The following RIT2 variants were observed in gnomAD, a reference collection of about 807,000 sequenced individuals.
RIT2 encodes the protein Ras like without CAAX 2.
Under a neutral mutation model 23.7 loss-of-function variants are expected in RIT2, and 24 were observed. The ratio of observed to expected loss-of-function variants is 1.01; its 90% confidence interval spans 0.73 to 1.43. RIT2 has a LOEUF of 1.43. Ranked by LOEUF, RIT2 falls within the 40% of genes most tolerant of loss-of-function variation. The probability of loss-of-function intolerance (pLI) is 0.00; values close to 1 mark genes in which losing one functional copy is unlikely to be tolerated. For missense variants in RIT2, 236 were observed against 266.9 expected (o/e 0.88, Z 0.81); for synonymous variants, 107 against 91.1 (o/e 1.17, Z -0.99).
chr18:42,963,131 T>TC (rs1910130410), intron 3 of RIT2, among the ~76,000 whole-genome samples: 1 of 152,168 alleles, frequency 6.6e-6, no homozygotes, highest in Non-Finnish European at 1.5e-5. Context: ...GAGGTTTGGT[T>TC]CCCCAAATAC....
rs1226584501 is a variant in RIT2, at chr18:42,896,273, T to TA, written c.426+27298dup. Among the ~76,000 whole-genome samples, 6 of 152,110 alleles carry TA rather than the reference T, an allele frequency of 3.9e-5. No individual in the cohort carries two copies. In the South Asian group the frequency reaches 1.0e-3, roughly 26 times the overall value. On this transcript the variant is annotated intron_variant, in intron 4 of 4. Coordinates refer to ENST00000326695, the MANE Select transcript of RIT2 (RefSeq NM_002930.4). ...GAGTGAAACTCCGTCACAAAAAAAA[T>TA]AAAAAAAGTTTGTTTTCCTCTCTCT...
intron 3 of RIT2, among the ~76,000 whole-genome samples, chr18:42,940,258 A>ATATATATAT (rs1555648064): frequency 7.1e-6 from 1 of 140,576 alleles, no homozygotes; most frequent in African/African-American, 2.8e-5. Context: ...ATATATATAT[A>ATATATATAT]TATATATATA....
intron 4 of RIT2, among the ~76,000 whole-genome samples, chr18:42,803,441 G>A (rs1398068918): frequency 6.6e-6 from 1 of 152,154 alleles, no homozygotes; most frequent in Non-Finnish European, 1.5e-5. Flanking sequence ...ATGTTGGTGT[G>A]AGTGTTTGAT....
At chr18:42,790,853 G>A (rs1914027486) in intron 4 of RIT2, among the ~76,000 whole-genome samples, 1 of 152,168 alleles carries the variant, frequency 6.6e-6, no homozygotes, top group Admixed American at 6.5e-5. Flanking sequence ...GCTCAAAGAA[G>A]CTGAGACATT....
At chr18:43,055,553 A>T (rs962191256) in intron 1 of RIT2, among the ~76,000 whole-genome samples, 1 of 152,272 alleles carries the variant, frequency 6.6e-6, no homozygotes, top group South Asian at 2.1e-4. Flanking sequence ...AAATATATTC[A>T]TCATTATCCA....
rs141456764 is a variant in RIT2 at position 42,997,699 on chromosome 18, G to A, written c.161-23552C>T. ...ATAATCAAAACTGAAAAAAAATCAC[G>A]TCTCTCACATACTACAATGTAAAGG... On this transcript the variant is annotated intron_variant, in intron 2 of 4. Coordinates refer to ENST00000326695, the MANE Select transcript of RIT2 (RefSeq NM_002930.4). Among the ~76,000 whole-genome samples, 1,021 of 152,030 alleles carry A rather than the reference G, an allele frequency of 6.7e-3. 4 individuals are homozygous for A. The highest frequency in any genetic ancestry group is 0.021 in the African/African-American group (870 of 41,460).
intron 4 of RIT2, among the ~76,000 whole-genome samples, chr18:42,871,563 C>T (rs367778796): frequency 2.6e-5 from 4 of 152,252 alleles, no homozygotes; most frequent in African/African-American, 9.6e-5. Context: ...TTATTTGTGC[C>T]TCTAGATAAC....
chr18:43,093,882 G>A (rs192485753), intron 1 of RIT2, among the ~76,000 whole-genome samples: 169 of 152,040 alleles, frequency 1.1e-3, no homozygotes, highest in Admixed American at 3.3e-3. Context: ...AATAGTTTAT[G>A]CAAGATGAGC....
At chr18:42,870,053 A>G (rs950561246) in intron 4 of RIT2, among the ~76,000 whole-genome samples, 17 of 152,156 alleles carry the variant, frequency 1.1e-4, no homozygotes, top group African/African-American at 4.1e-4. Flanking sequence ...TGTGCCTCAC[A>G]TGGCAAACAC....
intron 1 of RIT2, among the ~76,000 whole-genome samples, chr18:43,079,975 T>G (rs1003280681): frequency 1.3e-5 from 2 of 152,250 alleles, no homozygotes; most frequent in African/African-American, 4.8e-5. Context: ...TGACAGTTGC[T>G]ATTAAATACT....
chr18:42,797,312 G>A (rs148181554), intron 4 of RIT2, among the ~76,000 whole-genome samples: 1 of 151,948 alleles, frequency 6.6e-6, no homozygotes, highest in African/African-American at 2.4e-5. Context: ...GACAAGATGT[G>A]TTTACTCTTG....
chr18:43,113,613 A>G (rs1180951735), intron 1 of RIT2, among the ~76,000 whole-genome samples: 2 of 152,150 alleles, frequency 1.3e-5, no homozygotes, highest in African/African-American at 4.8e-5. Flanking sequence ...ATAAAATATC[A>G]CCACTATAAT....
intron 1 of RIT2, among the ~76,000 whole-genome samples, chr18:43,107,365 G>T (rs1913847473): frequency 6.6e-6 from 1 of 152,144 alleles, no homozygotes; most frequent in African/African-American, 2.4e-5. Flanking sequence ...GGACAGGGCA[G>T]AGGCTGTGTC....
chr18:43,030,660 T>C (rs1722288453), intron 2 of RIT2, among the ~76,000 whole-genome samples: 1 of 152,044 alleles, frequency 6.6e-6, no homozygotes, highest in African/African-American at 2.4e-5. Flanking sequence ...TAGAAAAAGA[T>C]GACAGAAAAG....
At chr18:42,870,379 T>G (rs1035444444) in intron 4 of RIT2, among the ~76,000 whole-genome samples, 1 of 152,134 alleles carries the variant, frequency 6.6e-6, no homozygotes, top group Non-Finnish European at 1.5e-5. Flanking sequence ...TAGCTGGGAC[T>G]ACAGGTGCAT....
chr18:43,024,662 C>T (rs1306801544), intron 2 of RIT2, among the ~76,000 whole-genome samples: 3 of 151,888 alleles, frequency 2.0e-5, no homozygotes, highest in South Asian at 2.1e-4. Flanking sequence ...GCAAACTATG[C>T]TTCCAACAAA....
chr18:42,870,724 G>T, intron 4 of RIT2, among the ~76,000 whole-genome samples: 1 of 152,154 alleles, frequency 6.6e-6, no homozygotes, highest in East Asian at 1.9e-4. Flanking sequence ...TCATGTGAAA[G>T]GTTTCCTATA....
rs140362825 is a variant in RIT2 at position 42,877,293 on chromosome 18, C to G, written c.426+46279G>C. On this transcript the variant is annotated intron_variant, in intron 4 of 4. Transcript: ENST00000326695. ...GTTTTATTCCTGCTCTATTTTTGAC[C>G]TGAGAGAGATCTTTGTTATTTTCAG... Among the ~76,000 whole-genome samples, 1,208 of 151,376 alleles carry G rather than the reference C, an allele frequency of 8.0e-3. 18 individuals are homozygous for G. Among genetic ancestry groups the G allele is most frequent in the African/African-American group, 0.028 (1,152 of 41,332 alleles).
intron 1 of RIT2, among the ~76,000 whole-genome samples, chr18:43,065,448 T>A (rs911844028): frequency 2.6e-5 from 4 of 152,098 alleles, no homozygotes; most frequent in African/African-American, 9.7e-5. Context: ...TAGCAACTTA[T>A]TTCATTTTAA....
Sources: allele counts gnomAD v4.1 joint callset (sites outside exome capture counted in the v4.1 genomes callset), GRCh38; gene constraint gnomAD v4.1.1; transcripts MANE v1.5; gene names NCBI Gene and HGNC (gene_info 2026-07-23, HGNC 2026-07-21).